EPS15L1: variants seen among roughly 807,000 people sequenced by gnomAD.
The protein encoded by EPS15L1 is epidermal growth factor receptor pathway substrate 15 like 1.
A neutral mutation model predicts 117.1 loss-of-function variants in EPS15L1; 43 were observed. That is an observed-to-expected ratio of 0.37 (90% CI 0.29 to 0.47). The LOEUF (loss-of-function observed/expected upper bound fraction) is 0.47. EPS15L1 is among the 20% of genes least tolerant of loss of function. The probability of loss-of-function intolerance (pLI) is 0.99; values close to 1 mark genes in which losing one functional copy is unlikely to be tolerated. For synonymous variants in EPS15L1, 459 were observed against 470.5 expected, an observed-to-expected ratio of 0.98 and a Z score of 0.32; for missense variants, 981 against 1,164.0, an observed-to-expected ratio of 0.84 and a Z score of 2.29.
At chr19:16,425,394 T>A (rs1242887734) in intron 8 of EPS15L1, 78 bp from the exon 9 acceptor site, 2 of 990,572 alleles carry the variant, frequency 2.0e-6, no homozygotes, top group Non-Finnish European at 3.1e-6. Flanking sequence ...AGGGCAGCCC[T>A]TTGGGGGCTG....
rs2092722325 is a variant in EPS15L1, at chr19:16,413,010, G to T, written c.1266+763C>A. ...CCTGGGGGGCTCTCTCAAGGATGAG[G>T]TTTTGAAGATTATGCCAGTGCAGAA... On this transcript the variant is annotated intron_variant, in intron 13 of 23. Transcript: ENST00000455140. 1.9e-5 allele frequency: 14 copies of T among 720,582 alleles called. No homozygotes were observed. The South Asian group carries it at 2.0e-4, about 10-fold the overall frequency. 44.6% of individuals were successfully genotyped at this position (720,582 alleles called of 1,614,324 possible).
intron 1 of EPS15L1, among the ~76,000 whole-genome samples, chr19:16,464,297 G>A (rs1386189295): frequency 2.0e-5 from 3 of 152,186 alleles, no homozygotes. Context: ...AGCTTTAAGA[G>A]CTAATGGTCT....
At chr19:16,421,096 C>G (rs1295003892) in intron 10 of EPS15L1, among the ~76,000 whole-genome samples, 1 of 152,268 alleles carries the variant, frequency 6.6e-6, no homozygotes, top group Admixed American at 6.5e-5. Flanking sequence ...AGAGGCCCTT[C>G]CTACTGAAAG....
intron 1 of EPS15L1, among the ~76,000 whole-genome samples, chr19:16,448,380 A>G (rs529541045): frequency 7.2e-5 from 11 of 151,880 alleles, no homozygotes; most frequent in South Asian, 2.1e-4. Flanking sequence ...AAAATGTAAA[A>G]TTAGCCAGGC....
intron 16 of EPS15L1, 28 bp from the exon 17 acceptor site, chr19:16,395,495 G>A (rs772327375): frequency 6.2e-7 from 1 of 1,608,014 alleles, no homozygotes; most frequent in Admixed American, 1.7e-5. Context: ...AACAGGACAG[G>A]GATTTTATTA....
intron 19 of EPS15L1, among the ~76,000 whole-genome samples, chr19:16,388,505 TTACA>T (rs1210256289): frequency 6.6e-6 from 1 of 152,052 alleles, no homozygotes; most frequent in East Asian, 1.9e-4. Flanking sequence ...AAACCACCTA[TTACA>T]TACAGGATAA....
chr19:16,407,046 C>T (rs770465808), intron 13 of EPS15L1, among the ~76,000 whole-genome samples: 34 of 152,214 alleles, frequency 2.2e-4, no homozygotes, highest in Admixed American at 5.9e-4. Flanking sequence ...AATCTGCAGG[C>T]CCCTTGATCT....
chr19:16,395,244 A>C (rs930283639), intron 17 of EPS15L1, 100 bp downstream of exon 17: 3 of 1,133,596 alleles, frequency 2.6e-6, no homozygotes, highest in Non-Finnish European at 3.7e-6. Flanking sequence ...CCTCCATTTC[A>C]GATTGTGGCA....
intron 7 of EPS15L1, among the ~76,000 whole-genome samples, chr19:16,430,137 T>TC (rs1316125183): frequency 6.6e-6 from 1 of 151,916 alleles, no homozygotes; most frequent in African/African-American, 2.4e-5. Flanking sequence ...TCTACCAGAG[T>TC]CCCCCTCACC....
chr19:16,448,534 G>A (rs1415464510), intron 1 of EPS15L1, among the ~76,000 whole-genome samples: 4 of 117,476 alleles, frequency 3.4e-5, no homozygotes, highest in African/African-American at 1.4e-4. Flanking sequence ...GCAAAATTCC[G>A]TATTAAAAAA....
intron 5 of EPS15L1, chr19:16,437,211 A>G (rs1039349403): frequency 8.6e-6 from 5 of 580,822 alleles, no homozygotes; most frequent in East Asian, 2.8e-5. Flanking sequence ...ATCCTTGTAC[A>G]TGAATGCTGG....
At position 16,464,936 on chromosome 19, in the gene EPS15L1, A is replaced by G. The variant is rs559443974; in HGVS notation, c.33+6977T>C. Among the ~76,000 whole-genome samples, 230 of 152,150 alleles carry G rather than the reference A, an allele frequency of 1.5e-3. 1 individual carries two copies. Among genetic ancestry groups the G allele is most frequent in the South Asian group, 1.7e-3 (8 of 4,828 alleles). On this transcript the variant is annotated intron_variant, in intron 1 of 23. Coordinates refer to ENST00000455140, the MANE Select transcript of EPS15L1 (RefSeq NM_001258374.3). ...CTACTAAAAATACAAAAAATTAGCC[A>G]GGTGTGGTGGCGGGTGCCTGTAGTC...
At chr19:16,467,844 C>T (rs1568476717) in intron 1 of EPS15L1, among the ~76,000 whole-genome samples, 1 of 152,168 alleles carries the variant, frequency 6.6e-6, no homozygotes, top group Non-Finnish European at 1.5e-5. Context: ...GCAGGTGTGA[C>T]CTCAGCTCTG....
At chr19:16,467,637 A>G (rs1454444495) in intron 1 of EPS15L1, among the ~76,000 whole-genome samples, 1 of 152,242 alleles carries the variant, frequency 6.6e-6, no homozygotes, top group South Asian at 2.1e-4. Context: ...GTTCTCATCA[A>G]TTTAGACTGC....
intron 12 of EPS15L1, among the ~76,000 whole-genome samples, chr19:16,416,765 G>A (rs2092761834): frequency 1.3e-5 from 2 of 151,996 alleles, no homozygotes; most frequent in Admixed American, 6.6e-5. Flanking sequence ...ACACCACTAC[G>A]CTCCAGCTTG....
intron 8 of EPS15L1, 32 bp from the exon 9 acceptor site, chr19:16,425,348 G>C (rs201688000): frequency 1.8e-5 from 26 of 1,459,756 alleles, no homozygotes; most frequent in Non-Finnish European, 2.4e-5. Flanking sequence ...GCACTGAAGG[G>C]GCAAGGCTGG....
chr19:16,367,017 G>A lies in EPS15L1; in HGVS notation c.2381-5033C>T, dbSNP rs557524990. On this transcript the variant is annotated intron_variant, in intron 22 of 23. Coordinates refer to ENST00000455140, the MANE Select transcript of EPS15L1 (RefSeq NM_001258374.3). ...CAGGCCCTGAAGCAAAAGCTGCCACGCGCACCCACGCCAGGGTTTTATACT... is the reference window on the plus strand; with the variant it reads ...CAGGCCCTGAAGCAAAAGCTGCCACACGCACCCACGCCAGGGTTTTATACT... Among the ~76,000 whole-genome samples, 254 of 152,170 alleles carry A rather than the reference G, an allele frequency of 1.7e-3. 3 individuals carry two copies. The highest frequency in any genetic ancestry group is 5.6e-3 in the African/African-American group (234 of 41,500).
At chr19:16,402,572 C>G in intron 15 of EPS15L1, 87 bp from the exon 16 acceptor site, 5 of 1,250,114 alleles carry the variant, frequency 4.0e-6, no homozygotes, top group Non-Finnish European at 5.5e-6. Flanking sequence ...CACAGGGTCT[C>G]ACTCTGTCAC....
At position 16,403,870 on chromosome 19, in the gene EPS15L1, C is replaced by A. The variant is rs766509172; in HGVS notation, c.1489G>T (p.Asp497Tyr). The change falls in exon 15 of 24, where the codon GAT becomes TAT. Residue 497 changes from aspartate (D) to tyrosine (Y), a missense_variant. Transcript: ENST00000455140. ...AGCTCCGACTTGGCTCGGTTCAGATCGTCTTCCTGGGACTTTAAGTCAGAT... is the reference window on the plus strand; with the variant it reads ...AGCTCCGACTTGGCTCGGTTCAGATAGTCTTCCTGGGACTTTAAGTCAGAT... ...QESDLKSQEDDLNRAKSELNR... is the reference protein window; with the variant it reads ...QESDLKSQEDYLNRAKSELNR... 6.2e-7 allele frequency: 1 copy of A among 1,614,168 alleles called. No individual in the cohort carries two copies. The highest frequency in any genetic ancestry group is 1.3e-5 in the African/African-American group (1 of 75,046).
Sources: gnomAD v4.1 joint callset for allele counts (sites outside exome capture counted in the v4.1 genomes callset) on GRCh38, gnomAD v4.1.1 for gene constraint, MANE v1.5 for transcripts, NCBI Gene and HGNC (gene_info 2026-07-23, HGNC 2026-07-21) for gene names.